DLGAP1: variants seen among roughly 807,000 people sequenced by gnomAD.
The protein encoded by DLGAP1 is disks large-associated protein 1.
A neutral mutation model predicts 90.8 loss-of-function variants in DLGAP1; 11 were observed. The ratio of observed to expected loss-of-function variants is 0.12; its 90% CI spans 0.08 to 0.20. The LOEUF (loss-of-function observed/expected upper bound fraction) is 0.20, where lower values mean the gene tolerates loss of function less well. Among genes scored for constraint, DLGAP1 ranks in the 10% least tolerant of loss-of-function variants. The pLI is 1.00. For synonymous variants in DLGAP1, 558 were observed against 540.7 expected, an observed-to-expected ratio of 1.03 and a Z score of -0.44; for missense variants, 1,050 against 1,333.8, an observed-to-expected ratio of 0.79 and a Z score of 3.31.
intron 8 of DLGAP1, among the ~76,000 whole-genome samples, chr18:3,577,137 A>G (rs1393459338): frequency 6.6e-6 from 1 of 152,180 alleles, no homozygotes; most frequent in Non-Finnish European, 1.5e-5. Context: ...CAGGGATTAC[A>G]GGGGTGCGCC....
chr18:4,184,458 T>G (rs571964448), intron 1 of DLGAP1, among the ~76,000 whole-genome samples: 1 of 152,232 alleles, frequency 6.6e-6, no homozygotes, highest in African/African-American at 2.4e-5. Flanking sequence ...AGACCATAAT[T>G]TTAGTTAACT....
chr18:4,231,930 A>G (rs544424101), intron 1 of DLGAP1, among the ~76,000 whole-genome samples: 2 of 152,290 alleles, frequency 1.3e-5, no homozygotes, highest in African/African-American at 4.8e-5. Context: ...TCGATGTGCA[A>G]TCCCTAATAG....
intron 9 of DLGAP1, among the ~76,000 whole-genome samples, chr18:3,551,320 C>T (rs1245738948): frequency 2.0e-5 from 3 of 151,882 alleles, no homozygotes; most frequent in African/African-American, 7.3e-5. Flanking sequence ...GGTGGTCTTG[C>T]CTCACTGCAA....
intron 2 of DLGAP1, among the ~76,000 whole-genome samples, chr18:4,028,583 T>A (rs922803791): frequency 6.6e-6 from 1 of 152,170 alleles, no homozygotes; most frequent in African/African-American, 2.4e-5. Flanking sequence ...CCTTATTCCA[T>A]AAATATATAT....
At chr18:3,877,449 T>C (rs917923642) in intron 4 of DLGAP1, among the ~76,000 whole-genome samples, 1 of 152,208 alleles carries the variant, frequency 6.6e-6, no homozygotes, top group African/African-American at 2.4e-5. Flanking sequence ...GGTGTTTTTG[T>C]TTTTGTTTTT....
At chr18:3,767,799 A>G (rs1270777884) in intron 5 of DLGAP1, among the ~76,000 whole-genome samples, 5 of 152,144 alleles carry the variant, frequency 3.3e-5, no homozygotes, top group Non-Finnish European at 1.5e-5. Context: ...ATCTAAAAAG[A>G]TCTACAGCTA....
Position 4,334,325 on chromosome 18 carries a change from GT to G in DLGAP1, c.-267+120680del, listed in dbSNP as rs776644080. Among the ~76,000 whole-genome samples the G allele has an allele frequency of 3.6e-4, 54 of 149,318 alleles. 3 individuals carry two copies. Among genetic ancestry groups the G allele is most frequent in the African/African-American group, 1.4e-3 (54 of 38,972 alleles). On this transcript the variant is annotated intron_variant, in intron 1 of 12. Transcript: ENST00000315677. ...GTCTCTATGACAAAGTAAGTACTTTGTTTTTTTTGTGGTAATACTTTAGTGT... is the reference window on the plus strand; with the variant it reads ...GTCTCTATGACAAAGTAAGTACTTTGTTTTTTTGTGGTAATACTTTAGTGT...
intron 2 of DLGAP1, among the ~76,000 whole-genome samples, chr18:4,007,728 C>T (rs193080115): frequency 1.1e-3 from 163 of 152,196 alleles, no homozygotes; most frequent in African/African-American, 3.8e-3. Context: ...AAAGTTTTCT[C>T]AAAAGGGAAA....
intron 2 of DLGAP1, among the ~76,000 whole-genome samples, chr18:4,064,249 T>C (rs2075339690): frequency 6.6e-6 from 1 of 151,830 alleles, no homozygotes; most frequent in African/African-American, 2.4e-5. Context: ...ATCACAAAAC[T>C]ATATATATAT....
chr18:4,097,808 T>C (rs550855120), intron 2 of DLGAP1, among the ~76,000 whole-genome samples: 29 of 152,378 alleles, frequency 1.9e-4, no homozygotes, highest in Middle Eastern at 6.8e-3. Flanking sequence ...TCAGAAACCA[T>C]TGAATGTCAA....
Position 4,339,814 on chromosome 18 carries a change from A to G in DLGAP1, c.-267+115192T>C, listed in dbSNP as rs975037318. On this transcript the variant is annotated intron_variant, in intron 1 of 12. Transcript: ENST00000315677. ...TGAATGTACAAGTCCTGCCAATGAA[A>G]AAGCACAAATTCTTGCACAAAAAGT... 2.0e-5 allele frequency among the ~76,000 whole-genome samples: 3 copies of G among 152,216 alleles called. No homozygotes were observed. The South Asian group carries it at 6.2e-4, about 31-fold the overall frequency.
chr18:4,207,360 G>C (rs1293633348), intron 1 of DLGAP1, among the ~76,000 whole-genome samples: 1 of 152,106 alleles, frequency 6.6e-6, no homozygotes, highest in Non-Finnish European at 1.5e-5. Context: ...ACAGGATGAG[G>C]GAAAATGTCC....
At chr18:4,412,148 G>A (rs995828157) in intron 1 of DLGAP1, among the ~76,000 whole-genome samples, 8 of 152,212 alleles carry the variant, frequency 5.3e-5, no homozygotes, top group Middle Eastern at 3.4e-3. Flanking sequence ...TAATGATGAG[G>A]GAAACTGGAC....
At chr18:4,211,027 G>T (rs559755660) in intron 1 of DLGAP1, among the ~76,000 whole-genome samples, 1 of 152,258 alleles carries the variant, frequency 6.6e-6, no homozygotes, top group East Asian at 1.9e-4. Flanking sequence ...AATTCAAAGA[G>T]AACAATGTAG....
chr18:4,178,202 AACACACACACACAC>A (rs59444096), intron 1 of DLGAP1, among the ~76,000 whole-genome samples: 300 of 118,474 alleles, frequency 2.5e-3, no homozygotes, highest in Admixed American at 6.8e-3. Context: ...TCCTGGAATA[AACACACACACACAC>A]ACACACACAC....
chr18:3,978,351 C>T, intron 3 of DLGAP1: 1 of 344,536 alleles, frequency 2.9e-6, no homozygotes, highest in South Asian at 2.6e-5. Flanking sequence ...GTGCCAGCAT[C>T]ATCTCATTTA....
rs34768615 is a variant in DLGAP1, at chr18:4,331,656, T to A, written c.-267+123350A>T. The stretch of plus-strand genomic sequence containing the variant: ...CCATGACCAAGAAGCCCTAGATGAC[T>A]GGCGCCCTGCTTCCTCTGTAAGCCC... On this transcript the variant is annotated intron_variant, in intron 1 of 12. Transcript: ENST00000315677. Among the ~76,000 whole-genome samples the A allele has an allele frequency of 2.6e-5, 4 of 151,562 alleles. No individual in the cohort carries two copies. In the East Asian group the frequency reaches 7.8e-4, roughly 29 times the overall value.
chr18:4,226,697 AACAG>A (rs1235806048), intron 1 of DLGAP1, among the ~76,000 whole-genome samples: 6 of 150,120 alleles, frequency 4.0e-5, no homozygotes, highest in African/African-American at 1.5e-4. Flanking sequence ...AAAAAAAAAA[AACAG>A]TGTATACACA....
At chr18:3,543,332 G>A (rs2052811791) in intron 9 of DLGAP1, among the ~76,000 whole-genome samples, 2 of 152,140 alleles carry the variant, frequency 1.3e-5, no homozygotes, top group South Asian at 2.1e-4. Flanking sequence ...CACCACGCCT[G>A]GCTATTTTTT....
Sources: gnomAD v4.1 joint callset for allele counts (sites outside exome capture counted in the v4.1 genomes callset) on GRCh38, gnomAD v4.1.1 for gene constraint, MANE v1.5 for transcripts, NCBI Gene and HGNC (gene_info 2026-07-23, HGNC 2026-07-21) for gene names.